NLGN1: variants seen among roughly 807,000 people sequenced by gnomAD.
The protein encoded by NLGN1 is neuroligin 1.
Under a neutral mutation model 65.5 loss-of-function variants are expected in NLGN1, and 12 were observed. The observed-to-expected ratio is 0.18, with a 90% confidence interval of 0.12 to 0.30. NLGN1 has a LOEUF of 0.30. Among genes scored for constraint, NLGN1 ranks in the 10% least tolerant of loss-of-function variants. NLGN1 has a pLI of 1.00. For missense variants in NLGN1, 750 were observed against 1,007.1 expected (o/e 0.74, Z 3.46); for synonymous variants, 350 against 359.5 (o/e 0.97, Z 0.30).
intron 3 of NLGN1, among the ~76,000 whole-genome samples, chr3:173,611,200 T>A (rs555035730): frequency 6.6e-6 from 1 of 152,170 alleles, no homozygotes; most frequent in African/African-American, 2.4e-5. Context: ...TTAACATCAG[T>A]GAGATCTTCC....
intron 4 of NLGN1, among the ~76,000 whole-genome samples, chr3:173,909,310 T>C (rs1318812207): frequency 2.0e-5 from 3 of 152,142 alleles, no homozygotes; most frequent in Non-Finnish European, 4.4e-5. Context: ...TTAGCCATCT[T>C]TTTTATGATA....
At chr3:174,167,858 C>T (rs1043520124) in intron 4 of NLGN1, among the ~76,000 whole-genome samples, 1 of 151,290 alleles carries the variant, frequency 6.6e-6, no homozygotes, top group Non-Finnish European at 1.5e-5. Flanking sequence ...GGTTTGCTAA[C>T]TTTACAAAAT....
rs935112703 is a variant in NLGN1 at position 174,086,208 on chromosome 3, T to C, written c.647-189107T>C. 4.5e-4 allele frequency among the ~76,000 whole-genome samples: 52 copies of C among 114,972 alleles called. No homozygotes were observed. The South Asian group carries it at 5.6e-3, about 12-fold the overall frequency. 75.4% of individuals were successfully genotyped at this position (114,972 alleles called of 152,430 possible). On this transcript the variant is annotated intron_variant, in intron 4 of 6. Coordinates refer to ENST00000457714, the Ensembl canonical transcript of NLGN1. The stretch of plus-strand genomic sequence containing the variant: ...ATGTGTGTGTGTGTGTGTGTGTGCG[T>C]GTGTGTGTATATTTATGTATGTGCA...
chr3:173,768,970 A>T (rs921007123), intron 3 of NLGN1, among the ~76,000 whole-genome samples: 1 of 151,916 alleles, frequency 6.6e-6, no homozygotes, highest in East Asian at 1.9e-4. Context: ...GGGTTTCGCC[A>T]TGTTGCCCAG....
At chr3:173,870,135 G>C (rs1464294775) in intron 4 of NLGN1, among the ~76,000 whole-genome samples, 3 of 152,086 alleles carry the variant, frequency 2.0e-5, no homozygotes, top group Admixed American at 6.6e-5. Context: ...TTACTTTTGT[G>C]TCAAATAATG....
chr3:173,731,129 G>A (rs1016808693), intron 3 of NLGN1, among the ~76,000 whole-genome samples: 2 of 151,866 alleles, frequency 1.3e-5, no homozygotes, highest in Non-Finnish European at 2.9e-5. Context: ...TCTTTTTCTA[G>A]GGAAAAATTT....
intron 2 of NLGN1, among the ~76,000 whole-genome samples, chr3:173,574,078 A>G (rs904534837): frequency 5.9e-4 from 89 of 150,956 alleles, no homozygotes; most frequent in Non-Finnish European, 1.1e-3. Flanking sequence ...AAAAAAAAAA[A>G]AAAAAGAAAA....
At chr3:174,036,537 C>T (rs545410710) in intron 4 of NLGN1, among the ~76,000 whole-genome samples, 1 of 150,632 alleles carries the variant, frequency 6.6e-6, no homozygotes, top group Admixed American at 6.6e-5. Context: ...AACCCAAACA[C>T]ATTTTATCTA....
intron 4 of NLGN1, among the ~76,000 whole-genome samples, chr3:173,844,141 C>T (rs1171475810): frequency 1.3e-5 from 2 of 152,112 alleles, no homozygotes; most frequent in Admixed American, 6.5e-5. Flanking sequence ...ATCACAAGAA[C>T]AGCACAGGAA....
rs755164110 is a variant in NLGN1 at position 173,680,601 on chromosome 3, C to T, written c.493+75510C>T. Among the ~76,000 whole-genome samples the T allele has an allele frequency of 7.1e-4, 108 of 152,032 alleles. 1 individual carries two copies. Among genetic ancestry groups the T allele is most frequent in the Non-Finnish European group, 1.3e-3 (88 of 67,988 alleles). Reference sequence around the variant, plus strand: ...TTTTAATTCTCTGGGTGTCAAGTAGCAAGATGGAACAAGGTTATGATTCTT... The same window carrying T: ...TTTTAATTCTCTGGGTGTCAAGTAGTAAGATGGAACAAGGTTATGATTCTT... On this transcript the variant is annotated intron_variant, in intron 3 of 6. Transcript: ENST00000457714.
chr3:174,012,219 CTTA>C (rs1725704874), intron 4 of NLGN1, among the ~76,000 whole-genome samples: 1 of 152,184 alleles, frequency 6.6e-6, no homozygotes, highest in Admixed American at 6.5e-5. Flanking sequence ...ATCTCCCATA[CTTA>C]CACCCCAGTC....
chr3:174,028,423 T>C (rs1729277900), intron 4 of NLGN1, among the ~76,000 whole-genome samples: 1 of 152,174 alleles, frequency 6.6e-6, no homozygotes, highest in African/African-American at 2.4e-5. Context: ...GGGGCAAAGG[T>C]GACTCTTGCT....
chr3:173,791,555 A>G (rs1004799544), intron 3 of NLGN1, among the ~76,000 whole-genome samples: 4 of 150,966 alleles, frequency 2.6e-5, no homozygotes, highest in African/African-American at 9.7e-5. Context: ...ACTTCAATAA[A>G]TATTTTTCTT....
At chr3:173,991,733 T>A (rs1721145243) in intron 4 of NLGN1, among the ~76,000 whole-genome samples, 1 of 152,234 alleles carries the variant, frequency 6.6e-6, no homozygotes, top group African/African-American at 2.4e-5. Flanking sequence ...AATATGGAGA[T>A]GCTCTTTAAT....
chr3:173,516,483 C>G (rs181187699), intron 2 of NLGN1, among the ~76,000 whole-genome samples: 1 of 152,056 alleles, frequency 6.6e-6, no homozygotes, highest in Non-Finnish European at 1.5e-5. Flanking sequence ...TATATCACTC[C>G]TCTTGAACTC....
chr3:174,007,075 A>G (rs1724578416), intron 4 of NLGN1, among the ~76,000 whole-genome samples: 1 of 152,112 alleles, frequency 6.6e-6, no homozygotes, highest in Non-Finnish European at 1.5e-5. Context: ...CTCAAAAATA[A>G]AAAAATAAAA....
intron 4 of NLGN1, among the ~76,000 whole-genome samples, chr3:173,976,944 T>C (rs1717603342): frequency 6.6e-6 from 1 of 152,100 alleles, no homozygotes; most frequent in Non-Finnish European, 1.5e-5. Flanking sequence ...AAAAATGGAC[T>C]CAGTCATTCA....
intron 4 of NLGN1, among the ~76,000 whole-genome samples, chr3:174,009,432 A>G (rs1725072429): frequency 6.6e-6 from 1 of 152,188 alleles, no homozygotes; most frequent in African/African-American, 2.4e-5. Flanking sequence ...TAAATGCATT[A>G]CAAGATGCAT....
At chr3:173,685,000 A>G (rs1764484238) in intron 3 of NLGN1, among the ~76,000 whole-genome samples, 1 of 149,382 alleles carries the variant, frequency 6.7e-6, no homozygotes, top group African/African-American at 2.5e-5. Context: ...ATAGATTTTA[A>G]TGTGTGCCAC....
Sources: gnomAD v4.1 joint callset for allele counts (sites outside exome capture counted in the v4.1 genomes callset) on GRCh38, gnomAD v4.1.1 for gene constraint, MANE v1.5 for transcripts, NCBI Gene and HGNC (gene_info 2026-07-23, HGNC 2026-07-21) for gene names.